VGLL4: variants seen among roughly 807,000 people sequenced by gnomAD.
VGLL4 encodes vestigial like family member 4.
Under a neutral mutation model 21.0 loss-of-function variants are expected in VGLL4, and 7 were observed. The ratio of observed to expected loss-of-function variants is 0.33; its 90% CI spans 0.19 to 0.63. The LOEUF (loss-of-function observed/expected upper bound fraction) is 0.63. VGLL4 is among the 20% of genes least tolerant of loss of function. VGLL4 has a pLI of 0.78. For synonymous variants in VGLL4, 222 were observed against 173.2 expected, an observed-to-expected ratio of 1.28 and a Z score of -2.21; for missense variants, 394 against 425.7, an observed-to-expected ratio of 0.93 and a Z score of 0.66.
intron 1 of VGLL4, among the ~76,000 whole-genome samples, chr3:11,628,558 C>T (rs528720745): frequency 7.2e-5 from 11 of 151,982 alleles, no homozygotes; most frequent in South Asian, 2.1e-4. Context: ...CGGTGGCTCA[C>T]GCCTGTAATC....
intron 1 of VGLL4, among the ~76,000 whole-genome samples, chr3:11,706,846 G>GA (rs1404855493): frequency 6.6e-6 from 1 of 152,194 alleles, no homozygotes; most frequent in Non-Finnish European, 1.5e-5. Flanking sequence ...AGCTAGAACT[G>GA]AAAATCCACG....
intron 1 of VGLL4, among the ~76,000 whole-genome samples, chr3:11,616,449 G>A (rs1438510912): frequency 6.6e-6 from 1 of 152,146 alleles, no homozygotes; most frequent in Non-Finnish European, 1.5e-5. Context: ...TCATTCCCTA[G>A]GGCCTCCTTT....
At chr3:11,601,418 C>T (rs1045716883) in intron 2 of VGLL4, among the ~76,000 whole-genome samples, 1 of 152,170 alleles carries the variant, frequency 6.6e-6, no homozygotes, top group Non-Finnish European at 1.5e-5. Context: ...CAGACGTCTG[C>T]TTGGTCAAAA....
intron 1 of VGLL4, among the ~76,000 whole-genome samples, chr3:11,616,717 A>T (rs1156928285): frequency 6.6e-6 from 1 of 152,236 alleles, no homozygotes; most frequent in Admixed American, 6.5e-5. Flanking sequence ...AAATCAGAGG[A>T]TGTGGTTCAG....
At position 11,653,214 on chromosome 3, in the gene VGLL4, G is replaced by A. The variant is rs1250731485; in HGVS notation, c.64+49757C>T. ...ACAGTCATCCTTCCAACCAGTTAGG[G>A]TGCCGTCCAGGAAAGAGAAATCATG... On this transcript the variant is annotated intron_variant, in intron 2 of 5. Transcript: ENST00000273038. The surrounding 1 kb of genome is among the most constrained non-coding windows in gnomAD (Gnocchi z 4.2). Among the ~76,000 whole-genome samples, 1 of 152,152 alleles carries A rather than the reference G, an allele frequency of 6.6e-6. No homozygotes were observed. Among genetic ancestry groups the A allele is most frequent in the Non-Finnish European group, 1.5e-5 (1 of 68,028 alleles).
intron 2 of VGLL4, among the ~76,000 whole-genome samples, chr3:11,656,004 C>T (rs1042154974): frequency 2.0e-5 from 3 of 152,138 alleles, no homozygotes; most frequent in Non-Finnish European, 2.9e-5. Flanking sequence ...CAGAGGAAAG[C>T]GAGAAGCCTA....
intron 2 of VGLL4, among the ~76,000 whole-genome samples, chr3:11,585,104 C>T (rs544495628): frequency 3.2e-4 from 48 of 152,186 alleles, no homozygotes; most frequent in Non-Finnish European, 5.6e-4. Flanking sequence ...AGAACATGCC[C>T]CAACACACAC....
At chr3:11,689,284 T>G (rs2076493285) in intron 2 of VGLL4, among the ~76,000 whole-genome samples, 1 of 152,204 alleles carries the variant, frequency 6.6e-6, no homozygotes, top group South Asian at 2.1e-4. Context: ...TGATGCATGT[T>G]AAGACTCTGG....
upstream of VGLL4, among the ~76,000 whole-genome samples, chr3:11,646,006 T>C (rs1489103472): frequency 2.0e-5 from 3 of 152,112 alleles, no homozygotes; most frequent in African/African-American, 7.2e-5. Flanking sequence ...CTATATGACA[T>C]CTAAATACTA....
At chr3:11,635,123 CAG>C (rs969186147) in intron 1 of VGLL4, among the ~76,000 whole-genome samples, 1 of 152,136 alleles carries the variant, frequency 6.6e-6, no homozygotes, top group African/African-American at 2.4e-5. Flanking sequence ...ACAAATTCAA[CAG>C]AGTTGTGGGA....
At chr3:11,566,450 A>C (rs1160988908) in intron 2 of VGLL4, among the ~76,000 whole-genome samples, 1 of 152,198 alleles carries the variant, frequency 6.6e-6, no homozygotes, top group Non-Finnish European at 1.5e-5. Context: ...ATTCCAGAGC[A>C]ATCTCTTTAT....
At chr3:11,564,091 C>G (rs967090989) in intron 3 of VGLL4, among the ~76,000 whole-genome samples, 1 of 152,212 alleles carries the variant, frequency 6.6e-6, no homozygotes. Context: ...CCTATTAGGT[C>G]GCAGTCCCTG....
chr3:11,627,230 A>ACACACACACACACT (rs1491347863), intron 1 of VGLL4: 50 of 123,314 alleles, frequency 4.1e-4, no homozygotes, highest in African/African-American at 1.6e-3. Flanking sequence ...ACACACACAC[A>ACACACACACACACT]CTCTCTCTCT....
intron 2 of VGLL4, chr3:11,671,475 C>G (rs2076215806): frequency 2.9e-6 from 2 of 680,482 alleles, no homozygotes; most frequent in African/African-American, 3.5e-5. Context: ...CCCAGGACCC[C>G]CAGGTGTACA....
At chr3:11,671,184 A>G in intron 2 of VGLL4, 2 of 1,476,646 alleles carry the variant, frequency 1.4e-6, no homozygotes, top group African/African-American at 1.4e-5. Context: ...TTTCTTTGCA[A>G]TACTATTTTG....
At chr3:11,611,837 C>G (rs1253366571) in intron 1 of VGLL4, 1 of 151,720 alleles carries the variant, frequency 6.6e-6, no homozygotes. Flanking sequence ...CTCGACCTCC[C>G]AGGAATTCTT....
intron 1 of VGLL4, among the ~76,000 whole-genome samples, chr3:11,628,751 C>T (rs1029790943): frequency 2.0e-5 from 3 of 152,184 alleles, no homozygotes; most frequent in Non-Finnish European, 4.4e-5. Flanking sequence ...ACACGGGAGG[C>T]AGAGCTTGCA....
At chr3:11,618,792 T>A (rs760791781) in intron 1 of VGLL4, among the ~76,000 whole-genome samples, 1 of 152,216 alleles carries the variant, frequency 6.6e-6, no homozygotes, top group East Asian at 1.9e-4. Flanking sequence ...CAAGAAGTTT[T>A]CTACTGGAGT....
intron 2 of VGLL4, among the ~76,000 whole-genome samples, chr3:11,689,365 T>C (rs2076494445): frequency 6.6e-6 from 1 of 152,202 alleles, no homozygotes; most frequent in Admixed American, 6.5e-5. Context: ...TTCTGCAATG[T>C]TTTGCTCTCT....
Sources: allele counts gnomAD v4.1 joint callset (sites outside exome capture counted in the v4.1 genomes callset), GRCh38; gene constraint gnomAD v4.1.1; non-coding constraint Gnocchi (gnomAD v3.1); transcripts MANE v1.5; gene names NCBI Gene and HGNC (gene_info 2026-07-23, HGNC 2026-07-21).